Variants in ZRANB1 observed in about 807,000 individuals in gnomAD.
ZRANB1 encodes zinc finger RANBP2-type containing 1.
Under a neutral mutation model 80.5 loss-of-function variants are expected in ZRANB1, and 16 were observed. The ratio of observed to expected loss-of-function variants is 0.20; its 90% CI spans 0.13 to 0.30. The LOEUF (loss-of-function observed/expected upper bound fraction) is 0.30, where lower values mean the gene tolerates loss of function less well. Among genes scored for constraint, ZRANB1 ranks in the 10% least tolerant of loss-of-function variants. ZRANB1 has a pLI of 1.00. For synonymous variants in ZRANB1, 291 were observed against 293.1 expected (o/e 0.99, Z 0.07); for missense variants, 576 against 862.6 (o/e 0.67, Z 4.16).
In ZRANB1 at chr10:124,985,850, C is replaced by T. The variant is rs1298180268; in HGVS notation, c.*858C>T. The T allele has an allele frequency of 1.3e-5, 2 of 152,224 alleles. No individual in the cohort carries two copies. The highest frequency in any genetic ancestry group is 2.9e-5 in the Non-Finnish European group (2 of 68,034). The allele number at this position is 152,224 out of a possible 1,614,324, so 9.4% of individuals were successfully genotyped here. ...AATGTGCTCACTTGGACTCCATCAA[C>T]AATGTGCTGCTCCCAGATTGCCATG... On this transcript the variant is annotated 3_prime_UTR_variant, in exon 9 of 9. Coordinates refer to ENST00000359653, the MANE Select transcript of ZRANB1 (RefSeq NM_017580.3).
At chr10:124,941,848 C>G (rs925750232), upstream of ZRANB1, among the ~76,000 whole-genome samples, 4 of 152,110 alleles carry the variant, frequency 2.6e-5, no homozygotes, top group African/African-American at 9.7e-5. Flanking sequence ...AAGGAACTAC[C>G]TATTTCATAA....
the ZRANB1 span, among the ~76,000 whole-genome samples, chr10:124,926,123 G>C: frequency 6.6e-6 from 1 of 152,190 alleles, no homozygotes; most frequent in Non-Finnish European, 1.5e-5. Flanking sequence ...CTGTATAGGG[G>C]AATGGAGCTT....
Position 124,986,303 on chromosome 10 carries a change from A to ACG in ZRANB1, c.*1312_*1313insGC, listed in dbSNP as rs1952041336. 5.6e-5 allele frequency: 5 copies of ACG among 89,200 alleles called. No individual in the cohort carries two copies. Among genetic ancestry groups the ACG allele is most frequent in the Non-Finnish European group, 1.1e-4 (4 of 38,034 alleles). The allele number at this position is 89,200 out of a possible 1,614,324, so 5.5% of individuals were successfully genotyped here. On this transcript the variant is annotated 3_prime_UTR_variant, in exon 9 of 9. Coordinates refer to ENST00000359653, the MANE Select transcript of ZRANB1 (RefSeq NM_017580.3). ...CACGCGCGCGCGCGCACACACACAC[A>ACG]CACACACACACACACACACAGTTTT...
chr10:124,966,496 C>G, intron 1 of ZRANB1, 98 bp from the exon 2 acceptor site: 2 of 1,209,446 alleles, frequency 1.7e-6, no homozygotes, highest in Non-Finnish European at 2.4e-6. Context: ...CCAGGAAGCA[C>G]AGAGAAACAC....
chr10:124,976,223 C>T (rs1048902846), intron 5 of ZRANB1, among the ~76,000 whole-genome samples: 3 of 152,158 alleles, frequency 2.0e-5, no homozygotes, highest in Admixed American at 6.5e-5. Context: ...GTAGGTTCAT[C>T]GGGCTGGGTA....
chr10:124,955,998 C>T (rs1292620204), intron 1 of ZRANB1, among the ~76,000 whole-genome samples: 3 of 152,136 alleles, frequency 2.0e-5, no homozygotes, highest in Non-Finnish European at 4.4e-5. Flanking sequence ...AATAAAGCGC[C>T]AGTATTCTTC....
the ZRANB1 span, among the ~76,000 whole-genome samples, chr10:124,917,644 T>TA: frequency 2.6e-5 from 4 of 152,192 alleles, no homozygotes; most frequent in Non-Finnish European, 5.9e-5. Context: ...CAATAGGCCG[T>TA]AAACACTTGG....
the ZRANB1 span, among the ~76,000 whole-genome samples, chr10:124,928,177 G>T: frequency 2.0e-5 from 3 of 152,324 alleles, no homozygotes; most frequent in South Asian, 4.1e-4. Context: ...ATAAAACGGG[G>T]TAAGAAGGGG....
chr10:124,970,520 A>G (rs914382172), intron 2 of ZRANB1, among the ~76,000 whole-genome samples: 1 of 152,020 alleles, frequency 6.6e-6, no homozygotes, highest in Non-Finnish European at 1.5e-5. Flanking sequence ...CCTTGGCCTC[A>G]CACAGTGCTG....
chr10:124,948,749 A>G (rs1036671703), intron 1 of ZRANB1, among the ~76,000 whole-genome samples: 2 of 152,134 alleles, frequency 1.3e-5, no homozygotes, highest in Non-Finnish European at 2.9e-5. Context: ...TCTCTACTCT[A>G]GAATTTAAGC....
intron 5 of ZRANB1, among the ~76,000 whole-genome samples, chr10:124,975,267 G>C (rs1023429693): frequency 1.3e-5 from 2 of 152,066 alleles, no homozygotes; most frequent in African/African-American, 2.4e-5. Flanking sequence ...TCTTCATTCA[G>C]TTGAGCAGTT....
intron 1 of ZRANB1, among the ~76,000 whole-genome samples, chr10:124,963,265 CAAAAA>C (rs397844792): frequency 6.4e-5 from 4 of 62,366 alleles, no homozygotes; most frequent in African/African-American, 1.1e-4. Flanking sequence ...GACTCTGTCT[CAAAAA>C]AAAAAAAAAA....
At chr10:124,961,558 T>A (rs1251614843) in intron 1 of ZRANB1, among the ~76,000 whole-genome samples, 1 of 152,192 alleles carries the variant, frequency 6.6e-6, no homozygotes, top group Non-Finnish European at 1.5e-5. Context: ...GGTTAGGTAT[T>A]TTTTCATGAC....
intron 1 of ZRANB1, chr10:124,946,475 A>G (rs892105620): frequency 1.3e-5 from 2 of 151,862 alleles, no homozygotes; most frequent in Non-Finnish European, 2.9e-5. Context: ...CAATAGGACC[A>G]GTATTGGATT....
chr10:124,924,087 T>TGA, the ZRANB1 span, among the ~76,000 whole-genome samples: 1 of 151,968 alleles, frequency 6.6e-6, no homozygotes, highest in Non-Finnish European at 1.5e-5. Flanking sequence ...CTTTTTTTTT[T>TGA]GAGATGGGGT....
At chr10:124,967,664 A>T (rs1478654011) in intron 2 of ZRANB1, among the ~76,000 whole-genome samples, 1 of 152,154 alleles carries the variant, frequency 6.6e-6, no homozygotes, top group Non-Finnish European at 1.5e-5. Flanking sequence ...GCAGAAGGGT[A>T]GCCATAGAAG....
At chr10:124,917,511 C>A in the ZRANB1 span, among the ~76,000 whole-genome samples, 9 of 152,026 alleles carry the variant, frequency 5.9e-5, no homozygotes, top group Non-Finnish European at 1.2e-4. Context: ...GCTTGTTTAC[C>A]GACCGCCGGC....
At chr10:124,933,239 C>T in the ZRANB1 span, among the ~76,000 whole-genome samples, 1 of 9,292 alleles carries the variant, frequency 1.1e-4, no homozygotes, top group African/African-American at 1.5e-4. Flanking sequence ...CAGGTTCAAG[C>T]GATTCTCCTG....
intron 1 of ZRANB1, among the ~76,000 whole-genome samples, chr10:124,948,917 C>G (rs1265490225): frequency 1.3e-5 from 2 of 152,158 alleles, no homozygotes; most frequent in East Asian, 3.9e-4. Flanking sequence ...TATCCTACTC[C>G]TCCTATGAAT....
Sources: allele counts gnomAD v4.1 joint callset (sites outside exome capture counted in the v4.1 genomes callset), GRCh38; gene constraint gnomAD v4.1.1; transcripts MANE v1.5; gene names NCBI Gene and HGNC (gene_info 2026-07-23, HGNC 2026-07-21).